PTPRD: variants seen among roughly 807,000 people sequenced by gnomAD.
PTPRD encodes the protein receptor-type tyrosine-protein phosphatase delta.
A neutral mutation model predicts 214.5 loss-of-function variants in PTPRD; 34 were observed. The ratio of observed to expected loss-of-function variants is 0.16; its 90% CI spans 0.12 to 0.21. PTPRD has a LOEUF of 0.21. Among genes scored for constraint, PTPRD ranks in the 10% least tolerant of loss-of-function variants. The pLI, the probability that PTPRD is intolerant of heterozygous loss-of-function variation, is 1.00. For missense variants in PTPRD, 2,545 were observed against 2,398.7 expected (o/e 1.06, Z -1.27); for synonymous variants, 1,128 against 845.7 (o/e 1.33, Z -5.79).
intron 4 of PTPRD, among the ~76,000 whole-genome samples, chr9:9,990,767 T>C (rs1891917): frequency 0.69 from 104,768 of 151,994 alleles, 36,583 homozygotes; most frequent in Middle Eastern, 0.78. Context: ...TACAAATATC[T>C]CCATTAAATT....
At chr9:8,522,619 AAC>A (rs1239991577) in intron 19 of PTPRD, among the ~76,000 whole-genome samples, 2 of 152,214 alleles carry the variant, frequency 1.3e-5, no homozygotes, top group Admixed American at 1.3e-4. Flanking sequence ...AAAGCAACAT[AAC>A]ACAGAAAAAT....
chr9:8,662,133 A>T (rs563946165), intron 12 of PTPRD, among the ~76,000 whole-genome samples: 1 of 152,242 alleles, frequency 6.6e-6, no homozygotes, highest in Admixed American at 6.5e-5. Context: ...GAAGAACAAT[A>T]ACTTATGAGG....
chr9:8,655,025 T>G (rs578241294), intron 12 of PTPRD, among the ~76,000 whole-genome samples: 1 of 152,280 alleles, frequency 6.6e-6, no homozygotes, highest in East Asian at 1.9e-4. Context: ...CATTCAAGAT[T>G]CCTAAACATA....
At chr9:9,509,803 TA>T (rs35950370) in intron 8 of PTPRD, among the ~76,000 whole-genome samples, 2,032 of 149,426 alleles carry the variant, frequency 0.014, 24 homozygotes, top group Non-Finnish European at 0.021. Flanking sequence ...CCTTTTTATT[TA>T]AAAAAAAAAC....
chr9:8,454,649 A>G lies in PTPRD; in HGVS notation c.3876-4812T>C, dbSNP rs966619371. 12 of 1,587,600 alleles carry G rather than the reference A, an allele frequency of 7.6e-6. No homozygotes were observed. The Admixed American group carries it at 2.0e-4, about 27-fold the overall frequency. ...AAGAAAGGCTAAATGTTAGTTGGCC[A>G]ATGGTAACAAGGATAACCATGACAA... On this transcript the variant is annotated intron_variant, in intron 33 of 45. Coordinates refer to ENST00000381196, the MANE Select transcript of PTPRD (RefSeq NM_002839.4).
At chr9:8,961,066 A>C (rs2099156231) in intron 11 of PTPRD, among the ~76,000 whole-genome samples, 1 of 152,118 alleles carries the variant, frequency 6.6e-6, no homozygotes, top group Non-Finnish European at 1.5e-5. Context: ...AGTAGTTTAT[A>C]ATATAATGAA....
chr9:10,099,243 A>G (rs2098527066), intron 3 of PTPRD, among the ~76,000 whole-genome samples: 1 of 151,762 alleles, frequency 6.6e-6, no homozygotes, highest in African/African-American at 2.4e-5. Context: ...GAAAAACTAC[A>G]TTAAGAGCAG....
chr9:8,541,978 A>C (rs1421485005), intron 14 of PTPRD, among the ~76,000 whole-genome samples: 1 of 152,114 alleles, frequency 6.6e-6, no homozygotes, highest in Non-Finnish European at 1.5e-5. Flanking sequence ...ACCACTACCA[A>C]AAGTTACATG....
chr9:10,120,650 T>C (rs1032350611), intron 3 of PTPRD, among the ~76,000 whole-genome samples: 28 of 138,882 alleles, frequency 2.0e-4, no homozygotes, highest in African/African-American at 7.4e-4. Context: ...TATACATCCA[T>C]CAATATTATA....
intron 2 of PTPRD, among the ~76,000 whole-genome samples, chr9:10,458,156 C>T (rs896858909): frequency 6.6e-6 from 1 of 152,124 alleles, no homozygotes; most frequent in Admixed American, 6.6e-5. Context: ...TCCTTCTTAA[C>T]TTCTTCCATA....
intron 8 of PTPRD, among the ~76,000 whole-genome samples, chr9:9,546,573 CA>C (rs1404195855): frequency 6.6e-6 from 1 of 151,750 alleles, no homozygotes; most frequent in African/African-American, 2.4e-5. Context: ...ATTCCACCGA[CA>C]ATTACTACTA....
At chr9:8,741,090 A>C (rs200532927) in intron 11 of PTPRD, among the ~76,000 whole-genome samples, 1 of 152,196 alleles carries the variant, frequency 6.6e-6, no homozygotes, top group East Asian at 1.9e-4. Flanking sequence ...TTTACATTGG[A>C]AGCACATATA....
intron 11 of PTPRD, among the ~76,000 whole-genome samples, chr9:8,778,539 T>C (rs1302903755): frequency 6.6e-6 from 1 of 152,182 alleles, no homozygotes; most frequent in Non-Finnish European, 1.5e-5. Flanking sequence ...TGGTGTCTTT[T>C]TGCTCTCATT....
At chr9:8,349,328 G>A (rs1030332084) in intron 39 of PTPRD, among the ~76,000 whole-genome samples, 41 of 152,088 alleles carry the variant, frequency 2.7e-4, no homozygotes, top group Admixed American at 1.4e-3. Context: ...ACTTTTGTTT[G>A]AATTTCCAAG....
chr9:8,604,761 G>A (rs1463880778), intron 14 of PTPRD, among the ~76,000 whole-genome samples: 1 of 152,152 alleles, frequency 6.6e-6, no homozygotes, highest in African/African-American at 2.4e-5. Context: ...GAGGAAAAGA[G>A]AAATCAAGTA....
At chr9:9,271,302 C>G (rs1942818464) in intron 9 of PTPRD, among the ~76,000 whole-genome samples, 1 of 150,482 alleles carries the variant, frequency 6.6e-6, no homozygotes, top group African/African-American at 2.4e-5. Context: ...AAAAAAACAT[C>G]TGTGAACTTT....
intron 9 of PTPRD, among the ~76,000 whole-genome samples, chr9:9,200,879 G>A (rs1337896345): frequency 1.3e-5 from 2 of 152,128 alleles, no homozygotes; most frequent in Admixed American, 6.5e-5. Context: ...TCCCCATGTG[G>A]TTTTCCTCTC....
intron 8 of PTPRD, among the ~76,000 whole-genome samples, chr9:9,445,648 C>T (rs955218302): frequency 6.6e-6 from 1 of 152,102 alleles, no homozygotes; most frequent in African/African-American, 2.4e-5. Flanking sequence ...CATCAGATCT[C>T]ATGAGAATTC....
intron 11 of PTPRD, among the ~76,000 whole-genome samples, chr9:8,850,979 G>A (rs1373668025): frequency 6.6e-6 from 1 of 152,146 alleles, no homozygotes; most frequent in Non-Finnish European, 1.5e-5. Flanking sequence ...CATTTGATGT[G>A]TCTAGTCTAA....
Sources: allele counts gnomAD v4.1 joint callset (sites outside exome capture counted in the v4.1 genomes callset), GRCh38; gene constraint gnomAD v4.1.1; transcripts MANE v1.5; gene names NCBI Gene and HGNC (gene_info 2026-07-23, HGNC 2026-07-21).